KDM6A: variants seen among roughly 807,000 people sequenced by gnomAD.
The protein encoded by KDM6A is lysine demethylase 6A.
KDM6A carries 11 observed loss-of-function variants against 117.6 expected under a neutral mutation model. The observed-to-expected ratio is 0.09, with a 90% confidence interval of 0.06 to 0.15. KDM6A has a LOEUF of 0.15. KDM6A is among the 10% of genes least tolerant of loss of function. The pLI, the probability that KDM6A is intolerant of heterozygous loss-of-function variation, is 1.00. For synonymous variants in KDM6A, 384 were observed against 396.1 expected (o/e 0.97, Z 0.36); for missense variants, 799 against 1,077.3 (o/e 0.74, Z 3.62).
At chrX:44,992,800 C>T (rs374575508) in intron 4 of KDM6A, among the ~76,000 whole-genome samples, 3 of 110,701 alleles carry the variant, frequency 2.7e-5, no homozygotes, top group East Asian at 5.7e-4. Flanking sequence ...CCCACCTCGG[C>T]CTTCCAAAGT....
At chrX:44,912,081 C>CT (rs1484904087) in intron 2 of KDM6A, among the ~76,000 whole-genome samples, 1 of 107,100 alleles carries the variant, frequency 9.3e-6, no homozygotes, top group Non-Finnish European at 1.9e-5. Flanking sequence ...AGGTTATAAA[C>CT]TTTTTTTTTG....
At chrX:44,886,181 C>T (rs1442978162) in intron 2 of KDM6A, among the ~76,000 whole-genome samples, 1 of 108,828 alleles carries the variant, frequency 9.2e-6, no homozygotes, top group Non-Finnish European at 1.9e-5. Context: ...CCTCAGCCTC[C>T]CGAGTAGCTG....
At chrX:44,961,876 A>T (rs541623839) in intron 3 of KDM6A, among the ~76,000 whole-genome samples, 1 of 111,997 alleles carries the variant, frequency 8.9e-6, no homozygotes, top group African/African-American at 3.2e-5. Flanking sequence ...TTTACTTGAA[A>T]TGTTTTTCCT....
intron 2 of KDM6A, among the ~76,000 whole-genome samples, chrX:44,876,544 AC>A (rs746731434): frequency 2.7e-5 from 3 of 109,709 alleles, no homozygotes; most frequent in East Asian, 2.9e-4. Flanking sequence ...TAGGCTACTT[AC>A]CTGAGGGCAG....
chrX:44,990,710 A>AT (rs1284596875), intron 4 of KDM6A, among the ~76,000 whole-genome samples: 1 of 111,361 alleles, frequency 9.0e-6, no homozygotes, highest in Non-Finnish European at 1.9e-5. Context: ...TTTTAATTTT[A>AT]TTTTTTATCT....
At chrX:45,034,795 T>G (rs989895201) in intron 6 of KDM6A, 136 bp from the exon 7 acceptor site, 2 of 516,698 alleles carry the variant, frequency 3.9e-6, no homozygotes, top group Non-Finnish European at 6.9e-6. Flanking sequence ...GTATTTCTAG[T>G]TGGTAGGCTA....
intron 8 of KDM6A, among the ~76,000 whole-genome samples, chrX:45,046,935 T>C (rs1331184926): frequency 9.0e-6 from 1 of 110,597 alleles, no homozygotes; most frequent in Non-Finnish European, 1.9e-5. Flanking sequence ...TCTTGGCTCT[T>C]ACTTTTGTAG....
At chrX:45,081,008 C>T (rs2045372569) in intron 21 of KDM6A, among the ~76,000 whole-genome samples, 1 of 112,310 alleles carries the variant, frequency 8.9e-6, no homozygotes, top group Admixed American at 9.4e-5. Context: ...TCTCGGCTCA[C>T]TGCAACCTCC....
At chrX:44,885,797 A>G (rs112397593) in intron 2 of KDM6A, among the ~76,000 whole-genome samples, 23,471 of 108,521 alleles carry the variant, frequency 0.22, 4,315 homozygotes, top group African/African-American at 0.6. Flanking sequence ...GCTTGAACCC[A>G]GAGGCAGAGT....
intron 19 of KDM6A, among the ~76,000 whole-genome samples, chrX:45,077,698 G>A (rs2045195374): frequency 9.0e-6 from 1 of 111,058 alleles, no homozygotes; most frequent in South Asian, 3.7e-4. Flanking sequence ...TATCTTTTAT[G>A]GGTCCTCTTC....
intron 8 of KDM6A, among the ~76,000 whole-genome samples, chrX:45,046,983 G>C (rs1357226607): frequency 9.2e-6 from 1 of 108,628 alleles, no homozygotes; most frequent in Non-Finnish European, 1.9e-5. Flanking sequence ...TGGTGATGAT[G>C]GTGGTGGTGG....
intron 6 of KDM6A, among the ~76,000 whole-genome samples, chrX:45,028,002 A>G (rs949851006): frequency 1.0e-4 from 11 of 110,391 alleles, no homozygotes; most frequent in African/African-American, 3.6e-4. Context: ...TCGTATGGTC[A>G]GGCTGCTCTC....
intron 4 of KDM6A, among the ~76,000 whole-genome samples, chrX:44,987,081 G>A (rs900647020): frequency 9.0e-6 from 1 of 111,611 alleles, no homozygotes; most frequent in African/African-American, 3.3e-5. Flanking sequence ...CTTGCTTTAT[G>A]AATCTGGGTG....
At chrX:44,876,711 A>G (rs1291683926) in intron 2 of KDM6A, among the ~76,000 whole-genome samples, 1 of 97,162 alleles carries the variant, frequency 1.0e-5, no homozygotes, top group African/African-American at 3.9e-5. Context: ...CTTGTTTTCA[A>G]AAATTCTTAT....
chrX:45,039,247 A>G (rs1273684682), intron 8 of KDM6A, among the ~76,000 whole-genome samples: 1 of 93,189 alleles, frequency 1.1e-5, no homozygotes, highest in Non-Finnish European at 2.1e-5. Flanking sequence ...CCTCTACCCC[A>G]TACTCTAGTT....
chrX:45,055,693 AG>A (rs2044041682), intron 10 of KDM6A, among the ~76,000 whole-genome samples: 1 of 111,867 alleles, frequency 8.9e-6, no homozygotes, highest in Non-Finnish European at 1.9e-5. Context: ...GTGGAGTGTG[AG>A]GCTTTATATA....
At chrX:45,040,879 C>T (rs1167332339) in intron 8 of KDM6A, among the ~76,000 whole-genome samples, 2 of 82,163 alleles carry the variant, frequency 2.4e-5, no homozygotes, top group African/African-American at 9.5e-5. Flanking sequence ...GGCTGACCCC[C>T]CCACCTCCCT....
At chrX:44,952,910 C>G (rs2038102555) in intron 2 of KDM6A, among the ~76,000 whole-genome samples, 1 of 110,249 alleles carries the variant, frequency 9.1e-6, no homozygotes, top group Non-Finnish European at 1.9e-5. Context: ...TCCTGAGTAG[C>G]TGGGACCACA....
Position 45,063,573 on chromosome X carries a change from C to G in KDM6A, c.1835C>G (p.Pro612Arg), listed in dbSNP as rs753928695. The change falls in exon 17 of 30, where the codon CCT becomes CGT. Residue 612 changes from proline (P) to arginine (R), a missense_variant. By Grantham distance (103) the Pro-to-Arg change is moderately radical. Coordinates refer to ENST00000611820, the MANE Select transcript of KDM6A (RefSeq NM_001291415.2). Reference protein sequence around the residue: ...VPSVSQPGVRPACPGQPLANG... With the variant: ...VPSVSQPGVRRACPGQPLANG... ...AGCGTCTCTCAGCCTGGAGTCCGTC[C>G]TGCCTGCCCTGGGCAGCCTTTGGCC... 1 of 1,209,963 alleles carries G rather than the reference C, an allele frequency of 8.3e-7. No individual in the cohort carries two copies. Among genetic ancestry groups the G allele is most frequent in the South Asian group, 1.8e-5 (1 of 56,822 alleles).
Sources: gnomAD v4.1 joint callset for allele counts (sites outside exome capture counted in the v4.1 genomes callset) on GRCh38, gnomAD v4.1.1 for gene constraint, MANE v1.5 for transcripts, NCBI Gene and HGNC (gene_info 2026-07-23, HGNC 2026-07-21) for gene names.